Variants in RGS22 observed in about 807,000 individuals in gnomAD.
RGS22 encodes regulator of G protein signaling 22.
A neutral mutation model predicts 172.9 loss-of-function variants in RGS22; 148 were observed. That is an observed-to-expected ratio of 0.86 (90% CI 0.75 to 0.98). The LOEUF (loss-of-function observed/expected upper bound fraction) is 0.98. RGS22 is among the 50% of genes least tolerant of loss of function. The pLI is 0.00. For missense variants in RGS22, 1,347 were observed against 1,440.8 expected, an observed-to-expected ratio of 0.93 and a Z score of 1.05; for synonymous variants, 458 against 480.2, an observed-to-expected ratio of 0.95 and a Z score of 0.60.
intron 3 of RGS22, among the ~76,000 whole-genome samples, chr8:100,088,961 G>A (rs1812357914): frequency 6.6e-6 from 1 of 151,962 alleles, no homozygotes; most frequent in African/African-American, 2.4e-5. Context: ...GGAGGCAGGA[G>A]AAAAGATTAG....
chr8:100,087,863 G>A (rs1812276215), intron 3 of RGS22, among the ~76,000 whole-genome samples: 1 of 152,074 alleles, frequency 6.6e-6, no homozygotes. Context: ...TGAATAATGT[G>A]CCACATAAAA....
intron 10 of RGS22, among the ~76,000 whole-genome samples, chr8:100,048,661 AT>A (rs1423754758): frequency 6.6e-6 from 1 of 152,120 alleles, no homozygotes; most frequent in African/African-American, 2.4e-5. Context: ...AACTTCCCAT[AT>A]ATAAGGGCTT....
intron 3 of RGS22, among the ~76,000 whole-genome samples, chr8:100,088,179 TG>T (rs1812300028): frequency 1.3e-5 from 2 of 152,100 alleles, no homozygotes; most frequent in African/African-American, 4.8e-5. Flanking sequence ...GTTTACGGAT[TG>T]TAAAAAGTGT....
chr8:100,027,528 G>A (rs1341611107), intron 14 of RGS22, among the ~76,000 whole-genome samples: 3 of 152,006 alleles, frequency 2.0e-5, no homozygotes, highest in Non-Finnish European at 4.4e-5. Context: ...TGTTGCCCAG[G>A]CTGGAGTGCA....
At chr8:99,975,087 A>G (rs930505908) in intron 23 of RGS22, among the ~76,000 whole-genome samples, 68 of 152,170 alleles carry the variant, frequency 4.5e-4, no homozygotes, top group African/African-American at 1.5e-3. Context: ...TGGAAGTTGC[A>G]GTGAGCCAAG....
Position 99,996,523 on chromosome 8 carries a change from A to G in RGS22, c.2957T>C (p.Met986Thr). 1 of 1,613,024 alleles carries G rather than the reference A, an allele frequency of 6.2e-7. No individual in the cohort carries two copies. The highest frequency in any genetic ancestry group is 8.5e-7 in the Non-Finnish European group (1 of 1,179,354). The stretch of plus-strand genomic sequence containing the variant: ...TAAGAGCTCTTCTGCTATGTCTTTC[A>G]TCTGTACCTGAAAGCAAAACCAATT... ...FAARQKIKVQMKDIAEELLLQ... is the reference protein window; with the variant it reads ...FAARQKIKVQTKDIAEELLLQ... The change falls in exon 20 of 28, where the codon ATG (methionine) becomes ACG (threonine). Residue 986 changes from methionine to threonine, a missense_variant. Coordinates refer to ENST00000360863, the MANE Select transcript of RGS22 (RefSeq NM_015668.5).
In RGS22 at chr8:99,961,133, C is replaced by A; in HGVS notation, c.*109G>T. 2.2e-6 allele frequency: 1 copy of A among 448,056 alleles called. No homozygotes were observed. The highest frequency in any genetic ancestry group is 1.6e-5 in the South Asian group (1 of 61,632). The allele number at this position is 448,056 out of a possible 1,614,324, so 27.8% of individuals were successfully genotyped here. A position where few individuals can be genotyped will look rare whatever the true frequency, so the allele number is the denominator to read the frequency against. On this transcript the variant is annotated 3_prime_UTR_variant, in exon 28 of 28. Coordinates refer to ENST00000360863, the MANE Select transcript of RGS22 (RefSeq NM_015668.5). ...TTTAGATGTTAGGCTTGCTCTGATA[C>A]AGACCTTCAAAAAAACAAATCACTG...
chr8:100,104,272 T>C (rs1218491689), intron 2 of RGS22, among the ~76,000 whole-genome samples: 1 of 151,554 alleles, frequency 6.6e-6, no homozygotes, highest in African/African-American at 2.4e-5. Flanking sequence ...TGAGTTGTGA[T>C]GGGGCCACTA....
At chr8:100,078,861 A>G (rs1442762199) in intron 4 of RGS22, among the ~76,000 whole-genome samples, 1 of 152,210 alleles carries the variant, frequency 6.6e-6, no homozygotes, top group East Asian at 1.9e-4. Flanking sequence ...TGCTGAGCTC[A>G]GGCAATCCAC....
chr8:100,024,685 A>G (rs1817983974), intron 14 of RGS22, among the ~76,000 whole-genome samples: 2 of 152,334 alleles, frequency 1.3e-5, no homozygotes, highest in Non-Finnish European at 2.9e-5. Flanking sequence ...AGATAATAAT[A>G]AGAAAGCAAT....
At chr8:100,047,945 G>A (rs943178266) in intron 10 of RGS22, among the ~76,000 whole-genome samples, 1 of 125,262 alleles carries the variant, frequency 8.0e-6, no homozygotes, top group Admixed American at 8.7e-5. Flanking sequence ...TATGTGTGGC[G>A]AGGGCTGTGT....
chr8:99,990,674 C>A (rs956517783), intron 20 of RGS22, among the ~76,000 whole-genome samples: 4 of 152,202 alleles, frequency 2.6e-5, no homozygotes, highest in Non-Finnish European at 5.9e-5. Flanking sequence ...TGCCTCTAGA[C>A]TCCATCTCTG....
chr8:99,976,657 G>C (rs1435637554), intron 23 of RGS22, among the ~76,000 whole-genome samples: 1 of 152,124 alleles, frequency 6.6e-6, no homozygotes, highest in Non-Finnish European at 1.5e-5. Flanking sequence ...CACTGCGCCC[G>C]ACTGAACCAC....
chr8:100,040,102 A>G lies in RGS22; in HGVS notation c.1939-15T>C. ...ACGGTTTTAACCTAGATAACAAAAC[A>G]GAAGTCTATTATCCACCCAAAAACA... On this transcript the variant is annotated splice_polypyrimidine_tract_variant and intron_variant, in intron 12 of 27. Coordinates refer to ENST00000360863, the MANE Select transcript of RGS22 (RefSeq NM_015668.5). The G allele has an allele frequency of 6.2e-7, 1 of 1,602,890 alleles. No homozygotes were observed.
intron 16 of RGS22, among the ~76,000 whole-genome samples, chr8:100,005,366 T>C (rs1034777741): frequency 1.3e-5 from 2 of 152,120 alleles, no homozygotes; most frequent in Non-Finnish European, 2.9e-5. Context: ...GGATCGATCA[T>C]ACCATACCAG....
intron 2 of RGS22, among the ~76,000 whole-genome samples, chr8:100,100,479 G>A (rs1323905907): frequency 1.3e-5 from 2 of 151,984 alleles, no homozygotes; most frequent in Admixed American, 6.6e-5. Flanking sequence ...TGGTAGAGAC[G>A]CAGTTTCACC....
At chr8:100,036,230 T>C (rs1273630438) in intron 14 of RGS22, among the ~76,000 whole-genome samples, 6 of 152,162 alleles carry the variant, frequency 3.9e-5, no homozygotes, top group African/African-American at 1.4e-4. Flanking sequence ...ATATGGTTCC[T>C]TGGCAAGCTG....
chr8:100,080,470 T>C, intron 3 of RGS22, 115 bp from the exon 4 acceptor site: 2 of 730,776 alleles, frequency 2.7e-6, no homozygotes, highest in South Asian at 1.9e-5. Flanking sequence ...TCTGTGTTTG[T>C]AATCATTCCC....
chr8:99,968,148 G>A (rs1810951062), intron 23 of RGS22, among the ~76,000 whole-genome samples: 2 of 152,308 alleles, frequency 1.3e-5, no homozygotes, highest in Admixed American at 6.5e-5. Context: ...GGGCCTGACT[G>A]TTGAAGTAAA....
Sources: allele counts gnomAD v4.1 joint callset (sites outside exome capture counted in the v4.1 genomes callset), GRCh38; gene constraint gnomAD v4.1.1; transcripts MANE v1.5; gene names NCBI Gene and HGNC (gene_info 2026-07-23, HGNC 2026-07-21).